Variants in KCNH1 observed in about 807,000 individuals in gnomAD.
KCNH1 encodes voltage-gated delayed rectifier potassium channel KCNH1.
A neutral mutation model predicts 69.2 loss-of-function variants in KCNH1; 27 were observed. The observed-to-expected ratio is 0.39, with a 90% CI of 0.29 to 0.54. KCNH1 has a LOEUF of 0.54. KCNH1 is among the 20% of genes least tolerant of loss of function. The probability of loss-of-function intolerance (pLI) is 0.68; values close to 1 mark genes in which losing one functional copy is unlikely to be tolerated. For synonymous variants in KCNH1, 456 were observed against 487.7 expected, an observed-to-expected ratio of 0.93 and a Z score of 0.86; for missense variants, 798 against 1,261.6, an observed-to-expected ratio of 0.63 and a Z score of 5.57.
At chr1:210,796,165 A>AC (rs1354216881) in intron 9 of KCNH1, among the ~76,000 whole-genome samples, 1 of 151,714 alleles carries the variant, frequency 6.6e-6, no homozygotes, top group East Asian at 1.9e-4. Flanking sequence ...AAAAAAAAAA[A>AC]AAAATTATCA....
chr1:210,898,260 A>G (rs1309272873), intron 7 of KCNH1, among the ~76,000 whole-genome samples: 7 of 152,214 alleles, frequency 4.6e-5, no homozygotes, highest in African/African-American at 7.2e-5. Flanking sequence ...TGCCTTATAC[A>G]AATGGAATAC....
intron 6 of KCNH1, among the ~76,000 whole-genome samples, chr1:210,970,954 A>T (rs1450178670): frequency 6.6e-6 from 1 of 152,198 alleles, no homozygotes; most frequent in Non-Finnish European, 1.5e-5. Flanking sequence ...AAACAAAAAC[A>T]AAAACCACCA....
At chr1:210,817,385 T>C (rs1684839274) in intron 7 of KCNH1, among the ~76,000 whole-genome samples, 1 of 152,212 alleles carries the variant, frequency 6.6e-6, no homozygotes, top group Non-Finnish European at 1.5e-5. Flanking sequence ...AACTGATGCT[T>C]ATATAGCTCT....
chr1:210,897,516 A>G (rs1323443329), intron 7 of KCNH1, among the ~76,000 whole-genome samples: 2 of 152,106 alleles, frequency 1.3e-5, no homozygotes, highest in Non-Finnish European at 1.5e-5. Context: ...AGTGATGAGG[A>G]CACCCCTGCC....
chr1:210,771,021 C>T (rs1017476586), intron 10 of KCNH1, among the ~76,000 whole-genome samples: 5 of 152,030 alleles, frequency 3.3e-5, no homozygotes, highest in Admixed American at 6.6e-5. Context: ...GAGGCTGTTC[C>T]GAAGATGTAA....
At chr1:210,883,357 T>C (rs758251529) in intron 7 of KCNH1, among the ~76,000 whole-genome samples, 1 of 152,210 alleles carries the variant, frequency 6.6e-6, no homozygotes, top group African/African-American at 2.4e-5. Context: ...TGGCCCTTGA[T>C]CACCAGAGGG....
intron 7 of KCNH1, among the ~76,000 whole-genome samples, chr1:210,817,615 CAT>C (rs903907959): frequency 2.6e-5 from 4 of 152,110 alleles, no homozygotes; most frequent in African/African-American, 9.7e-5. Context: ...AATAAACACA[CAT>C]GTCAACTGTG....
intron 2 of KCNH1, among the ~76,000 whole-genome samples, chr1:211,106,499 C>T (rs951713337): frequency 6.6e-6 from 1 of 152,070 alleles, no homozygotes; most frequent in African/African-American, 2.4e-5. Context: ...AAAACTTTGG[C>T]TGAGGCCAGG....
At chr1:211,024,114 C>A (rs1332399741) in intron 5 of KCNH1, among the ~76,000 whole-genome samples, 1 of 152,030 alleles carries the variant, frequency 6.6e-6, no homozygotes, top group African/African-American at 2.4e-5. Flanking sequence ...GCTCTATGCC[C>A]GGAACTGTTC....
rs1558544446 is a variant in KCNH1 at position 210,965,094 on chromosome 1, A to T, written c.1033-45025T>A. Among the ~76,000 whole-genome samples, 7 of 152,322 alleles carry T rather than the reference A, an allele frequency of 4.6e-5. No individual in the cohort carries two copies. In the East Asian group the frequency reaches 7.7e-4, roughly 17 times the overall value. On this transcript the variant is annotated intron_variant, in intron 6 of 10. Coordinates refer to ENST00000271751, the MANE Select transcript of KCNH1 (RefSeq NM_172362.3). The stretch of plus-strand genomic sequence containing the variant: ...TCAGTCAACTAGGTATTGATGGAAC[A>T]TATCTCAAAATAACAAGAACTATTT...
intron 5 of KCNH1, among the ~76,000 whole-genome samples, chr1:211,040,630 C>T (rs1558579129): frequency 6.6e-6 from 1 of 152,152 alleles, no homozygotes; most frequent in Non-Finnish European, 1.5e-5. Flanking sequence ...CAGACTAACA[C>T]ACCTTGAAAA....
chr1:211,001,841 G>GT (rs1392231203), intron 6 of KCNH1, among the ~76,000 whole-genome samples: 83 of 151,898 alleles, frequency 5.5e-4, no homozygotes, highest in Non-Finnish European at 4.4e-5. Flanking sequence ...GCCATAAAAA[G>GT]GATGAGTTCA....
chr1:210,797,421 C>A, intron 9 of KCNH1, 87 bp downstream of exon 9: 1 of 1,458,558 alleles, frequency 6.9e-7, no homozygotes, highest in South Asian at 1.2e-5. Context: ...GAAGCAATCT[C>A]TAACTGAAGG....
At chr1:211,116,220 A>C (rs2102493910) in intron 1 of KCNH1, among the ~76,000 whole-genome samples, 1 of 152,340 alleles carries the variant, frequency 6.6e-6, no homozygotes. Flanking sequence ...ACTCATTCAA[A>C]AACACCCTCT....
intron 7 of KCNH1, among the ~76,000 whole-genome samples, chr1:210,842,267 C>A (rs1685428164): frequency 6.6e-6 from 1 of 152,108 alleles, no homozygotes; most frequent in African/African-American, 2.4e-5. Context: ...GAAATTATTC[C>A]TTTGAAATAA....
At chr1:210,819,013 T>C (rs936549909) in intron 7 of KCNH1, among the ~76,000 whole-genome samples, 4 of 152,212 alleles carry the variant, frequency 2.6e-5, no homozygotes, top group Non-Finnish European at 4.4e-5. Flanking sequence ...GGATGCCTTA[T>C]TTTTTAAAAG....
intron 7 of KCNH1, among the ~76,000 whole-genome samples, chr1:210,838,144 C>T (rs1283285601): frequency 6.6e-6 from 1 of 152,090 alleles, no homozygotes; most frequent in African/African-American, 2.4e-5. Context: ...CAAGAACAGA[C>T]ACATAGACCA....
chr1:210,683,324 G>A lies in KCNH1; in HGVS notation c.2927C>T (p.Pro976Leu), dbSNP rs760777055. 21 of 1,614,038 alleles carry A rather than the reference G, an allele frequency of 1.3e-5. No homozygotes were observed. The South Asian group carries it at 2.1e-4, about 16-fold the overall frequency. Residue 976 changes from proline to leucine, a missense_variant, in exon 11 of 11, where the codon CCA becomes CTA. Transcript: ENST00000271751. This position sits in a 1 kb window ranked among gnomAD's most constrained non-coding sequence, Gnocchi z 5.7. ...GTCTCTCTCTGATTCTGGGGACTGT[G>A]GCCTCGATATTTCAAACAACTCCTG... ...SPQELFEISR[P>L]QSPESERDIF... is the part of the protein sequence containing the mutation.
At chr1:210,768,035 G>A (rs1683674303) in intron 10 of KCNH1, among the ~76,000 whole-genome samples, 1 of 152,108 alleles carries the variant, frequency 6.6e-6, no homozygotes, top group East Asian at 1.9e-4. Flanking sequence ...GATCTCTAGG[G>A]CTACTTGAGG....
Sources: gnomAD v4.1 joint callset for allele counts (sites outside exome capture counted in the v4.1 genomes callset) on GRCh38, gnomAD v4.1.1 for gene constraint, Gnocchi (gnomAD v3.1) non-coding constraint, MANE v1.5 for transcripts, NCBI Gene and HGNC (gene_info 2026-07-23, HGNC 2026-07-21) for gene names.